The following NAV3 variants were observed in gnomAD, a reference collection of about 807,000 sequenced individuals.
NAV3 encodes the protein pore membrane and/or filament interacting like protein 1.
In NAV3, 87 loss-of-function variants were observed where a neutral mutation model predicts 244.7. The observed-to-expected ratio is 0.36, with a 90% CI of 0.30 to 0.42. The LOEUF (loss-of-function observed/expected upper bound fraction) is 0.42, where lower values mean the gene tolerates loss of function less well. Ranked by LOEUF, NAV3 falls within the 20% of genes least tolerant of loss-of-function variation. NAV3 has a pLI of 1.00. For missense variants in NAV3, 2,663 were observed against 2,893.3 expected, an observed-to-expected ratio of 0.92 and a Z score of 1.83; for synonymous variants, 1,126 against 1,042.2, an observed-to-expected ratio of 1.08 and a Z score of -1.55.
At chr12:78,189,501 G>A (rs1958876198) in intron 33 of NAV3, among the ~76,000 whole-genome samples, 1 of 151,276 alleles carries the variant, frequency 6.6e-6, no homozygotes, top group African/African-American at 2.4e-5. Flanking sequence ...CATAATGAGA[G>A]ATAGAAGAGA....
At chr12:77,578,491 A>T (rs1027464015) in intron 2 of NAV3, among the ~76,000 whole-genome samples, 1 of 152,170 alleles carries the variant, frequency 6.6e-6, no homozygotes, top group Non-Finnish European at 1.5e-5. Context: ...AATTACTTGC[A>T]CTTGGATCAT....
chr12:77,984,823 G>GT (rs1236366979), intron 5 of NAV3, among the ~76,000 whole-genome samples: 40 of 147,482 alleles, frequency 2.7e-4, no homozygotes, highest in Middle Eastern at 3.4e-3. Flanking sequence ...TAGGTTTTTT[G>GT]TTTTTTTTTT....
chr12:77,962,002 A>G lies in NAV3; in HGVS notation c.415-4227A>G, dbSNP rs11107562. 1.6e-4 allele frequency among the ~76,000 whole-genome samples: 24 copies of G among 152,016 alleles called. No individual in the cohort carries two copies. In the East Asian group the frequency reaches 4.1e-3, roughly 26 times the overall value. ...TATTTAATTCTAAATCTAATAGTCA[A>G]CTCTTAGCTCTTGTCGTACATGACT... On this transcript the variant is annotated intron_variant, in intron 3 of 39. Coordinates refer to ENST00000397909, the MANE Select transcript of NAV3 (RefSeq NM_001024383.2).
At chr12:78,087,094 GCAGAGCTGATTAAAATCCAGACTT>G (rs1305562079) in intron 12 of NAV3, among the ~76,000 whole-genome samples, 1 of 151,958 alleles carries the variant, frequency 6.6e-6, no homozygotes, top group East Asian at 1.9e-4. Context: ...TTGTTAGGCT[GCAGAGCTGATTAAAATCCAGACTT>G]CCATATGAGA....
At chr12:77,908,872 A>G (rs1886283786) in intron 1 of NAV3, among the ~76,000 whole-genome samples, 1 of 152,106 alleles carries the variant, frequency 6.6e-6, no homozygotes, top group Non-Finnish European at 1.5e-5. Context: ...TAAAGAAGTT[A>G]AAAGTCTAAG....
intron 8 of NAV3, among the ~76,000 whole-genome samples, chr12:78,019,714 C>T (rs1250956477): frequency 6.6e-6 from 1 of 152,032 alleles, no homozygotes; most frequent in Non-Finnish European, 1.5e-5. Flanking sequence ...CTGGTGGCCA[C>T]AGTAGAGAGA....
At chr12:78,121,326 A>ATTTTTTTATTTATTTGAAAATAAATTAC (rs1566165390) in intron 15 of NAV3, among the ~76,000 whole-genome samples, 2 of 152,190 alleles carry the variant, frequency 1.3e-5, no homozygotes. Context: ...TAGCACTGGC[A>ATTTTTTTATTTATTTGAAAATAAATTAC]ACTGACATAA....
At chr12:77,711,273 C>T (rs1457323868) in intron 2 of NAV3, among the ~76,000 whole-genome samples, 1 of 152,160 alleles carries the variant, frequency 6.6e-6, no homozygotes, top group African/African-American at 2.4e-5. Flanking sequence ...TTAATGTGGC[C>T]TAACCCCACA....
intron 1 of NAV3, among the ~76,000 whole-genome samples, chr12:77,903,971 C>T (rs75423458): frequency 0.38 from 57,615 of 151,788 alleles, 11,838 homozygotes; most frequent in African/African-American, 0.54. Context: ...CCTAGAATGG[C>T]GATCATTAAA....
At chr12:78,043,716 C>G (rs917792541) in intron 9 of NAV3, among the ~76,000 whole-genome samples, 3 of 152,188 alleles carry the variant, frequency 2.0e-5, no homozygotes, top group African/African-American at 4.8e-5. Context: ...TGTTTGTTGG[C>G]TGCATAAAAT....
chr12:77,653,873 T>C (rs547896811), intron 2 of NAV3, among the ~76,000 whole-genome samples: 1 of 152,184 alleles, frequency 6.6e-6, no homozygotes, highest in Non-Finnish European at 1.5e-5. Flanking sequence ...TATATATGCA[T>C]ATATGTGGGA....
In NAV3 at chr12:77,607,722, T is replaced by C. The variant is rs527746297; in HGVS notation, c.72+35456T>C. On this transcript the variant is annotated intron_variant, in intron 2 of 8. Transcript: ENST00000550042. ...TGTCTTAACCCCATACCATTTCTAT[T>C]GTCTGATCCATTCTCCTCTTAATCC... Among the ~76,000 whole-genome samples the C allele has an allele frequency of 4.6e-5, 7 of 152,198 alleles. No homozygotes were observed. The South Asian group carries it at 1.4e-3, about 32-fold the overall frequency.
intron 17 of NAV3, 50 bp downstream of exon 17, chr12:78,127,258 T>G: frequency 1.3e-6 from 2 of 1,540,166 alleles, no homozygotes. Context: ...TTATGTAAAC[T>G]TTGTGTGCTG....
intron 2 of NAV3, among the ~76,000 whole-genome samples, chr12:77,732,507 T>G (rs1877167182): frequency 6.6e-6 from 1 of 151,996 alleles, no homozygotes; most frequent in Admixed American, 6.6e-5. Context: ...TAGAATTAAG[T>G]ACTTCCTATA....
chr12:77,840,597 C>T (rs2136160557), intron 1 of NAV3, among the ~76,000 whole-genome samples: 1 of 152,244 alleles, frequency 6.6e-6, no homozygotes, highest in East Asian at 1.9e-4. Context: ...ATTTTCTTCA[C>T]TCAGAAATGT....
chr12:77,573,966 G>C (rs1366665491), intron 2 of NAV3, among the ~76,000 whole-genome samples: 1 of 152,122 alleles, frequency 6.6e-6, no homozygotes, highest in African/African-American at 2.4e-5. Context: ...GGTTTGTAAT[G>C]ACACTTCGTT....
At chr12:77,691,242 G>C (rs1874998676) in intron 2 of NAV3, among the ~76,000 whole-genome samples, 1 of 147,944 alleles carries the variant, frequency 6.8e-6, no homozygotes. Flanking sequence ...TACATTTCTG[G>C]GAATTTTCTG....
At chr12:78,053,983 A>G (rs1031387517) in intron 11 of NAV3, among the ~76,000 whole-genome samples, 1 of 152,210 alleles carries the variant, frequency 6.6e-6, no homozygotes, top group Non-Finnish European at 1.5e-5. Context: ...GAGTGACAGC[A>G]TATCTTGGGA....
At chr12:77,986,090 G>T (rs1046709296) in intron 5 of NAV3, among the ~76,000 whole-genome samples, 1 of 152,158 alleles carries the variant, frequency 6.6e-6, no homozygotes, top group African/African-American at 2.4e-5. Flanking sequence ...GGCTGGGCGC[G>T]GTGGCTCATG....
Sources: gnomAD v4.1 joint callset for allele counts (sites outside exome capture counted in the v4.1 genomes callset) on GRCh38, gnomAD v4.1.1 for gene constraint, MANE v1.5 for transcripts, NCBI Gene and HGNC (gene_info 2026-07-23, HGNC 2026-07-21) for gene names.